The following DPYD variants were observed in gnomAD, a reference collection of about 807,000 sequenced individuals.
The protein encoded by DPYD is dihydropyrimidine dehydrogenase [NADP(+)].
DPYD carries 109 observed loss-of-function variants against 116.2 expected under a neutral mutation model. That is an observed-to-expected ratio of 0.94 (90% CI 0.80 to 1.10). DPYD has a LOEUF of 1.10. Ranked by LOEUF, DPYD falls within the 50% of genes least tolerant of loss-of-function variation. DPYD has a pLI of 0.00. For missense variants in DPYD, 1,302 were observed against 1,254.5 expected (o/e 1.04, Z -0.57); for synonymous variants, 440 against 432.0 (o/e 1.02, Z -0.23).
chr1:97,682,724 T>C (rs1660492466), intron 7 of DPYD, among the ~76,000 whole-genome samples: 1 of 152,168 alleles, frequency 6.6e-6, no homozygotes, highest in African/African-American at 2.4e-5. Flanking sequence ...GCATTTTGTT[T>C]GGTGTTTTTG....
chr1:97,434,291 T>C (rs999214899), intron 14 of DPYD, among the ~76,000 whole-genome samples: 2 of 152,106 alleles, frequency 1.3e-5, no homozygotes, highest in Non-Finnish European at 2.9e-5. Flanking sequence ...CATTCCTTAT[T>C]AATGCTCTAG....
chr1:97,862,127 TA>T (rs1054781572), intron 2 of DPYD, among the ~76,000 whole-genome samples: 5 of 151,878 alleles, frequency 3.3e-5, no homozygotes, highest in Admixed American at 6.6e-5. Flanking sequence ...TATTATTTTT[TA>T]AAGGGGAATT....
At chr1:97,527,365 C>T (rs1193176098) in intron 12 of DPYD, among the ~76,000 whole-genome samples, 1 of 152,026 alleles carries the variant, frequency 6.6e-6, no homozygotes, top group South Asian at 2.1e-4. Context: ...GCGTGAGCCA[C>T]CATGCCCAGC....
chr1:97,659,984 C>T (rs902060209), intron 8 of DPYD, among the ~76,000 whole-genome samples: 1 of 152,040 alleles, frequency 6.6e-6, no homozygotes, highest in Non-Finnish European at 1.5e-5. Flanking sequence ...TATATTCTTT[C>T]CAATAGTAAT....
chr1:97,788,073 T>G (rs1667134105), intron 3 of DPYD, among the ~76,000 whole-genome samples: 1 of 152,144 alleles, frequency 6.6e-6, no homozygotes, highest in African/African-American at 2.4e-5. Flanking sequence ...TCCGTGATAT[T>G]TATCCCATGA....
intron 12 of DPYD, among the ~76,000 whole-genome samples, chr1:97,536,313 T>G (rs974901741): frequency 6.6e-6 from 1 of 152,230 alleles, no homozygotes; most frequent in African/African-American, 2.4e-5. Context: ...TTTATTGATA[T>G]TCATTGTTTT....
chr1:97,509,951 T>G (rs1192279262), intron 13 of DPYD, among the ~76,000 whole-genome samples: 1 of 151,608 alleles, frequency 6.6e-6, no homozygotes, highest in African/African-American at 2.4e-5. Context: ...GTTAACAGAG[T>G]TTTATGATGA....
chr1:97,904,591 T>C (rs1416444183), intron 1 of DPYD, among the ~76,000 whole-genome samples: 1 of 152,020 alleles, frequency 6.6e-6, no homozygotes, highest in Non-Finnish European at 1.5e-5. Context: ...GAATTTATAT[T>C]AACAAGTTTT....
intron 14 of DPYD, among the ~76,000 whole-genome samples, chr1:97,396,845 G>A (rs139976542): frequency 1.1e-4 from 16 of 152,054 alleles, no homozygotes; most frequent in Non-Finnish European, 1.8e-4. Flanking sequence ...CTAACTCAGA[G>A]CTAACCTCAA....
intron 8 of DPYD, among the ~76,000 whole-genome samples, chr1:97,626,923 C>T (rs993272728): frequency 7.9e-5 from 12 of 151,890 alleles, no homozygotes; most frequent in African/African-American, 2.4e-4. Context: ...TGTCTTAGTT[C>T]CGGCTTCTAT....
chr1:97,168,728 A>G lies in DPYD; in HGVS notation c.2622+24341T>C, dbSNP rs149334866. Among the ~76,000 whole-genome samples the G allele has an allele frequency of 9.9e-4, 151 of 152,254 alleles. 2 individuals carry two copies. Among genetic ancestry groups the G allele is most frequent in the African/African-American group, 3.5e-3 (146 of 41,552 alleles). On this transcript the variant is annotated intron_variant, in intron 20 of 22. Coordinates refer to ENST00000370192, the MANE Select transcript of DPYD (RefSeq NM_000110.4). ...CTAGATGACCAAATTGAACTTTAAT[A>G]TTCAGAAATTTTCAGAATTCACATT...
At chr1:97,743,481 G>A (rs754944020) in intron 3 of DPYD, among the ~76,000 whole-genome samples, 47 of 152,016 alleles carry the variant, frequency 3.1e-4, no homozygotes, top group Non-Finnish European at 5.1e-4. Context: ...AACTTTGAGC[G>A]GTGGGGGTTG....
chr1:97,153,350 G>A (rs1655174939), intron 20 of DPYD, among the ~76,000 whole-genome samples: 1 of 151,996 alleles, frequency 6.6e-6, no homozygotes, highest in African/African-American at 2.4e-5. Context: ...GCAACTTTAG[G>A]TCTGGCTCTA....
intron 8 of DPYD, among the ~76,000 whole-genome samples, chr1:97,622,831 T>C (rs937222070): frequency 2.6e-5 from 4 of 152,010 alleles, no homozygotes; most frequent in Admixed American, 2.0e-4. Context: ...TGTTATTTTA[T>C]GCAGTTTCCA....
intron 18 of DPYD, among the ~76,000 whole-genome samples, chr1:97,280,899 A>G (rs983639674): frequency 2.2e-4 from 33 of 152,304 alleles, no homozygotes; most frequent in African/African-American, 7.9e-4. Context: ...TCTTATCTCC[A>G]CAAAGAAATG....
chr1:97,865,769 C>T (rs866507642), intron 2 of DPYD, among the ~76,000 whole-genome samples: 2 of 151,896 alleles, frequency 1.3e-5, no homozygotes, highest in South Asian at 4.1e-4. Flanking sequence ...TCGAACCATG[C>T]CCTAAATGTC....
intron 20 of DPYD, among the ~76,000 whole-genome samples, chr1:97,147,078 A>G (rs1317687782): frequency 6.6e-6 from 1 of 152,190 alleles, no homozygotes; most frequent in Admixed American, 6.5e-5. Flanking sequence ...GGCCAGGTGC[A>G]GTGGCTCACG....
At chr1:97,876,452 A>G (rs1442498490) in intron 2 of DPYD, among the ~76,000 whole-genome samples, 1 of 151,950 alleles carries the variant, frequency 6.6e-6, no homozygotes, top group Non-Finnish European at 1.5e-5. Flanking sequence ...CAGCTTCCCA[A>G]CATGGGGTTC....
At chr1:97,587,840 A>C (rs893989003) in intron 10 of DPYD, among the ~76,000 whole-genome samples, 6 of 136,718 alleles carry the variant, frequency 4.4e-5, no homozygotes, top group Non-Finnish European at 6.6e-5. Context: ...AAAAAAAAAG[A>C]AAAAAAAAAA....
Sources: gnomAD v4.1 joint callset for allele counts (sites outside exome capture counted in the v4.1 genomes callset) on GRCh38, gnomAD v4.1.1 for gene constraint, MANE v1.5 for transcripts, NCBI Gene and HGNC (gene_info 2026-07-23, HGNC 2026-07-21) for gene names.